RARB: variants seen among roughly 807,000 people sequenced by gnomAD.
RARB encodes HBV-activated protein.
In RARB, 17 loss-of-function variants were observed where a neutral mutation model predicts 51.9. The ratio of observed to expected loss-of-function variants is 0.33; its 90% CI spans 0.22 to 0.49. The LOEUF is 0.49. RARB is among the 20% of genes least tolerant of loss of function. RARB has a pLI of 0.99. For missense variants in RARB, 369 were observed against 550.8 expected (o/e 0.67, Z 3.30); for synonymous variants, 215 against 195.4 (o/e 1.10, Z -0.84).
chr3:25,403,520 T>A (rs2125495959), intron 5 of RARB, among the ~76,000 whole-genome samples: 1 of 152,330 alleles, frequency 6.6e-6, no homozygotes, highest in Non-Finnish European at 1.5e-5. Context: ...GAAGCACTAG[T>A]GTTAAATCTG....
chr3:25,368,147 A>G (rs886500907), intron 5 of RARB, among the ~76,000 whole-genome samples: 6 of 152,176 alleles, frequency 3.9e-5, no homozygotes, highest in African/African-American at 9.7e-5. Flanking sequence ...ATGGCAGTAA[A>G]TAATAGTTGT....
At chr3:25,413,873 A>T (rs530124931) in intron 5 of RARB, among the ~76,000 whole-genome samples, 17 of 152,318 alleles carry the variant, frequency 1.1e-4, no homozygotes, top group South Asian at 1.0e-3. Context: ...TTTGCTCAAT[A>T]CTATTTTCCA....
intron 2 of RARB, among the ~76,000 whole-genome samples, chr3:25,001,120 G>A (rs1328374059): frequency 2.0e-5 from 3 of 152,104 alleles, no homozygotes; most frequent in African/African-American, 4.8e-5. Flanking sequence ...AGGATGGAGG[G>A]AGGGAGGGAA....
intron 5 of RARB, among the ~76,000 whole-genome samples, chr3:25,203,354 C>A (rs1463257147): frequency 1.3e-5 from 2 of 152,188 alleles, no homozygotes; most frequent in Non-Finnish European, 2.9e-5. Flanking sequence ...TTCCTGAATA[C>A]AGGACACTGA....
At chr3:25,111,403 C>T (rs1427135279) in intron 3 of RARB, among the ~76,000 whole-genome samples, 2 of 152,084 alleles carry the variant, frequency 1.3e-5, no homozygotes, top group Non-Finnish European at 2.9e-5. Flanking sequence ...CCACCTGTAG[C>T]CTTATTTGTT....
At chr3:25,179,405 T>A (rs1223702086) in intron 5 of RARB, among the ~76,000 whole-genome samples, 1 of 152,208 alleles carries the variant, frequency 6.6e-6, no homozygotes, top group Non-Finnish European at 1.5e-5. Flanking sequence ...GTTATATTTG[T>A]CCTTAAACTT....
chr3:24,907,693 TACC>T (rs1694895899), intron 2 of RARB, among the ~76,000 whole-genome samples: 1 of 152,054 alleles, frequency 6.6e-6, no homozygotes, highest in African/African-American at 2.4e-5. Flanking sequence ...TGAACACTTT[TACC>T]CAAAGTGCTT....
At chr3:25,416,691 A>G (rs890676906) in intron 5 of RARB, among the ~76,000 whole-genome samples, 2 of 152,260 alleles carry the variant, frequency 1.3e-5, no homozygotes, top group East Asian at 1.9e-4. Flanking sequence ...CTGTGCTCCA[A>G]TAAAACTTTA....
At chr3:25,367,830 A>AC (rs1355981030) in intron 5 of RARB, among the ~76,000 whole-genome samples, 3 of 150,820 alleles carry the variant, frequency 2.0e-5, no homozygotes, top group Non-Finnish European at 3.0e-5. Context: ...AAAAAAAACA[A>AC]AAACAAAACA....
intron 3 of RARB, among the ~76,000 whole-genome samples, chr3:25,091,695 T>G (rs1179402946): frequency 6.6e-6 from 1 of 152,154 alleles, no homozygotes; most frequent in Non-Finnish European, 1.5e-5. Context: ...TTAAAACAGT[T>G]GGATACATTT....
At chr3:24,900,709 G>A (rs1037903375) in intron 2 of RARB, among the ~76,000 whole-genome samples, 2 of 152,176 alleles carry the variant, frequency 1.3e-5, no homozygotes, top group Admixed American at 6.5e-5. Flanking sequence ...GACAGCTGAT[G>A]TAAATGCATT....
chr3:25,085,577 T>C (rs1699090499), intron 3 of RARB, among the ~76,000 whole-genome samples: 2 of 152,150 alleles, frequency 1.3e-5, no homozygotes, highest in African/African-American at 4.8e-5. Flanking sequence ...CCATATCCAA[T>C]TCAATTCATT....
intron 3 of RARB, among the ~76,000 whole-genome samples, chr3:25,106,251 G>A (rs143221676): frequency 0.015 from 571 of 37,254 alleles, 6 homozygotes; most frequent in African/African-American, 0.057. Flanking sequence ...GTGGTTTCTC[G>A]GAGAAATGCA....
chr3:25,250,437 T>C (rs1285550955), intron 5 of RARB, among the ~76,000 whole-genome samples: 1 of 152,112 alleles, frequency 6.6e-6, no homozygotes, highest in Non-Finnish European at 1.5e-5. Flanking sequence ...TTGTTTTCAG[T>C]GGCAGCAACC....
chr3:25,169,926 T>C (rs574497724), intron 4 of RARB, among the ~76,000 whole-genome samples: 25 of 149,942 alleles, frequency 1.7e-4, no homozygotes, highest in African/African-American at 5.9e-4. Flanking sequence ...TGTTTGAGGC[T>C]GCAGGGAACT....
chr3:25,071,007 T>C (rs1446375844), intron 3 of RARB, among the ~76,000 whole-genome samples: 3 of 152,204 alleles, frequency 2.0e-5, no homozygotes, highest in African/African-American at 7.2e-5. Context: ...CCAGACTAGA[T>C]CTACCATGCT....
chr3:24,884,191 T>G (rs1648384778), intron 2 of RARB, among the ~76,000 whole-genome samples: 1 of 152,148 alleles, frequency 6.6e-6, no homozygotes, highest in Admixed American at 6.6e-5. Flanking sequence ...GCCCACAGAC[T>G]CTATTAAATG....
At chr3:25,286,906 A>G (rs1703670837) in intron 5 of RARB, among the ~76,000 whole-genome samples, 1 of 152,178 alleles carries the variant, frequency 6.6e-6, no homozygotes. Context: ...CAAGATATCT[A>G]TTTTACAAGA....
chr3:25,544,144 CA>C (rs1484559537), intron 3 of RARB, among the ~76,000 whole-genome samples: 1 of 151,280 alleles, frequency 6.6e-6, no homozygotes, highest in Non-Finnish European at 1.5e-5. Context: ...GAAATATTTA[CA>C]AAGTTAAGTT....
Sources: gnomAD v4.1 joint callset for allele counts (sites outside exome capture counted in the v4.1 genomes callset) on GRCh38, gnomAD v4.1.1 for gene constraint, MANE v1.5 for transcripts, NCBI Gene and HGNC (gene_info 2026-07-23, HGNC 2026-07-21) for gene names.